ANAPC10: variants seen among roughly 807,000 people sequenced by gnomAD.
ANAPC10 encodes anaphase-promoting complex subunit 10.
In ANAPC10, 12 loss-of-function variants were observed where a neutral mutation model predicts 22.0. The observed-to-expected ratio is 0.55, with a 90% CI of 0.35 to 0.88. The LOEUF (loss-of-function observed/expected upper bound fraction) is 0.88, where lower values mean the gene tolerates loss of function less well. Among genes scored for constraint, ANAPC10 ranks in the 40% least tolerant of loss-of-function variants. The pLI, the probability that ANAPC10 is intolerant of heterozygous loss-of-function variation, is 0.01. For missense variants in ANAPC10, 188 were observed against 220.9 expected (o/e 0.85, Z 0.94); for synonymous variants, 65 against 69.5 (o/e 0.94, Z 0.32).
chr4:145,026,945 A>ATATATATATATATATATATG (rs1287102797), intron 4 of ANAPC10, among the ~76,000 whole-genome samples: 5 of 17,156 alleles, frequency 2.9e-4, no homozygotes, highest in Non-Finnish European at 4.7e-4. Flanking sequence ...ATATATATAT[A>ATATATATATATATATATATG]TGTGTGTGTG....
At chr4:145,010,414 G>A (rs183498762) in intron 4 of ANAPC10, among the ~76,000 whole-genome samples, 1 of 152,176 alleles carries the variant, frequency 6.6e-6, no homozygotes, top group African/African-American at 2.4e-5. Context: ...CAAAGACTTG[G>A]AACCAACCCA....
intron 4 of ANAPC10, among the ~76,000 whole-genome samples, chr4:145,063,384 G>T (rs1743192963): frequency 1.3e-5 from 2 of 152,072 alleles, no homozygotes; most frequent in African/African-American, 4.8e-5. Context: ...ACATATGCAA[G>T]TTTTACGAGA....
intron 4 of ANAPC10, among the ~76,000 whole-genome samples, chr4:145,039,163 C>T (rs1222803752): frequency 6.6e-6 from 1 of 151,546 alleles, no homozygotes; most frequent in Non-Finnish European, 1.5e-5. Context: ...TCAAAAGTGG[C>T]ATTGTATTTC....
At chr4:145,027,527 C>T (rs1436507670) in intron 4 of ANAPC10, among the ~76,000 whole-genome samples, 2 of 152,058 alleles carry the variant, frequency 1.3e-5, no homozygotes, top group African/African-American at 4.8e-5. Context: ...CCATTGAGCA[C>T]CCTGCACAAT....
chr4:145,073,124 C>A lies in ANAPC10; in HGVS notation c.207-8432G>T, dbSNP rs75658146. 9.2e-4 allele frequency among the ~76,000 whole-genome samples: 140 copies of A among 152,242 alleles called. 2 individuals carry two copies. In the East Asian group the frequency reaches 0.02, roughly 22 times the overall value. ...TCTCAGGCCAGTTTTGAACTTCTGG[C>A]TTTAAACAATCCTCCTACCTCAGCC... On this transcript the variant is annotated intron_variant, in intron 3 of 4. Transcript: ENST00000507656.
At chr4:145,001,023 G>A (rs561048329) in intron 4 of ANAPC10, among the ~76,000 whole-genome samples, 14 of 151,794 alleles carry the variant, frequency 9.2e-5, no homozygotes, top group Admixed American at 3.9e-4. Flanking sequence ...GGCCCACCCC[G>A]GGGCCTGTCG....
intron 4 of ANAPC10, among the ~76,000 whole-genome samples, chr4:145,041,945 T>G (rs1406169956): frequency 2.0e-5 from 3 of 152,198 alleles, no homozygotes; most frequent in Non-Finnish European, 4.4e-5. Flanking sequence ...CAGTTTCAGA[T>G]ATGTATATTT....
At chr4:145,061,473 G>A (rs116662954) in intron 4 of ANAPC10, among the ~76,000 whole-genome samples, 2,994 of 152,222 alleles carry the variant, frequency 0.02, 46 homozygotes, top group Middle Eastern at 0.041. Context: ...AAGATTACAT[G>A]AGGTCTTGAA....
chr4:145,008,871 T>A (rs941363458), intron 4 of ANAPC10, among the ~76,000 whole-genome samples: 2 of 152,102 alleles, frequency 1.3e-5, no homozygotes, highest in Non-Finnish European at 2.9e-5. Flanking sequence ...ATAAAGGGCA[T>A]TCAATTACGA....
intron 4 of ANAPC10, among the ~76,000 whole-genome samples, chr4:145,039,514 C>T (rs543164748): frequency 4.6e-5 from 7 of 152,200 alleles, no homozygotes; most frequent in African/African-American, 1.7e-4. Flanking sequence ...ATTTTGGAAG[C>T]ACTTTTTCTT....
intron 4 of ANAPC10, among the ~76,000 whole-genome samples, chr4:145,018,208 AC>A (rs1735484110): frequency 6.6e-6 from 1 of 151,634 alleles, no homozygotes; most frequent in South Asian, 2.1e-4. Context: ...AAAAACAAAA[AC>A]CAAAAAATCA....
intron 4 of ANAPC10, among the ~76,000 whole-genome samples, chr4:145,012,073 A>C (rs1237579781): frequency 1.3e-5 from 2 of 151,922 alleles, no homozygotes; most frequent in Non-Finnish European, 1.5e-5. Flanking sequence ...TTAGCGGGAG[A>C]AAAAGTGAAC....
At chr4:145,015,080 C>A (rs1365349390) in intron 4 of ANAPC10, among the ~76,000 whole-genome samples, 1 of 151,810 alleles carries the variant, frequency 6.6e-6, no homozygotes, top group South Asian at 2.1e-4. Context: ...GGATCCAAAC[C>A]AAAAAGAAAT....
chr4:144,999,044 C>A (rs970291219), intron 4 of ANAPC10, among the ~76,000 whole-genome samples: 26 of 152,064 alleles, frequency 1.7e-4, no homozygotes, highest in African/African-American at 5.8e-4. Flanking sequence ...TGGACAAATA[C>A]ACCCACCCAA....
At chr4:145,080,835 A>G (rs1342413332) in intron 3 of ANAPC10, among the ~76,000 whole-genome samples, 2 of 145,998 alleles carry the variant, frequency 1.4e-5, no homozygotes, top group African/African-American at 5.1e-5. Context: ...TGAACCTGGG[A>G]GGCGGAGGTT....
intron 4 of ANAPC10, among the ~76,000 whole-genome samples, chr4:145,045,034 C>T (rs1318307987): frequency 6.6e-6 from 1 of 151,566 alleles, no homozygotes; most frequent in African/African-American, 2.4e-5. Flanking sequence ...GTTTATACAA[C>T]TAAATAAAAG....
At chr4:145,011,308 G>T (rs1444410635) in intron 4 of ANAPC10, among the ~76,000 whole-genome samples, 1 of 134,328 alleles carries the variant, frequency 7.4e-6, no homozygotes, top group Non-Finnish European at 1.7e-5. Context: ...CTGTACTCTG[G>T]CCTGGATGAC....
chr4:145,077,273 A>AT (rs1400629264), intron 3 of ANAPC10, among the ~76,000 whole-genome samples: 4 of 152,194 alleles, frequency 2.6e-5, no homozygotes. Flanking sequence ...TCTGAGAAAT[A>AT]TGAGATTATG....
At chr4:145,044,906 G>A (rs1740065798) in intron 4 of ANAPC10, among the ~76,000 whole-genome samples, 1 of 151,760 alleles carries the variant, frequency 6.6e-6, no homozygotes, top group African/African-American at 2.4e-5. Flanking sequence ...GAACTGATTT[G>A]TAAATTATGC....
Sources: allele counts gnomAD v4.1 joint callset (sites outside exome capture counted in the v4.1 genomes callset), GRCh38; gene constraint gnomAD v4.1.1; transcripts MANE v1.5; gene names NCBI Gene and HGNC (gene_info 2026-07-23, HGNC 2026-07-21).